TMEM150B: variants seen among roughly 807,000 people sequenced by gnomAD.
TMEM150B encodes the protein modulator of macroautophagy TMEM150B.
Under a neutral mutation model 25.2 loss-of-function variants are expected in TMEM150B, and 33 were observed. The observed-to-expected ratio is 1.31, with a 90% confidence interval of 0.99 to 1.75. TMEM150B has a LOEUF of 1.75. Ranked by LOEUF, TMEM150B falls within the 40% of genes most tolerant of loss-of-function variation. TMEM150B has a pLI of 0.00. For missense variants in TMEM150B, 322 were observed against 306.1 expected, an observed-to-expected ratio of 1.05 and a Z score of -0.39; for synonymous variants, 133 against 134.8, an observed-to-expected ratio of 0.99 and a Z score of 0.09.
At chr19:55,311,934 C>T (rs540907240), downstream of TMEM150B, 50 of 1,611,438 alleles carry the variant, frequency 3.1e-5, no homozygotes, top group Middle Eastern at 1.7e-4. Context: ...GGCCCAGACC[C>T]GGCCTGCTGG....
intron 7 of TMEM150B, among the ~76,000 whole-genome samples, chr19:55,313,444 T>C (rs1285244879): frequency 7.7e-6 from 1 of 129,382 alleles, no homozygotes; most frequent in Non-Finnish European, 1.7e-5. Context: ...GCCGCCAGCC[T>C]CGGACTGTGT....
chr19:55,310,912 G>C (rs1320171545), downstream of TMEM150B, among the ~76,000 whole-genome samples: 1 of 152,084 alleles, frequency 6.6e-6, no homozygotes, highest in Non-Finnish European at 1.5e-5. This position sits in a 1 kb window ranked among gnomAD's most constrained non-coding sequence, Gnocchi z 5.0. Context: ...AATGGGGTGG[G>C]GGGTGCAGGC....
In TMEM150B at chr19:55,320,057, G is replaced by A; in HGVS notation, c.306C>T (p.Ser102=). ...GTCTCACCTGGAAATTGCCTACCAC[G>A]GAGGTGCCCAGGGCACACAGAAGAC... ...WTGLLCALGT[S]VVGNFQEKNQ... The change falls in exon 6 of 8, where the codon TCC becomes TCT. Residue 102 remains serine, a synonymous_variant. Transcript: ENST00000326652. 2 of 1,614,140 alleles carry A rather than the reference G, an allele frequency of 1.2e-6. No individual in the cohort carries two copies. Among genetic ancestry groups the A allele is most frequent in the Non-Finnish European group, 1.7e-6 (2 of 1,180,020 alleles).
intron 6 of TMEM150B, among the ~76,000 whole-genome samples, chr19:55,318,142 C>T (rs895520969): frequency 2.0e-5 from 3 of 152,062 alleles, no homozygotes; most frequent in African/African-American, 7.2e-5. Context: ...AGGCAGATCA[C>T]TTGAGGTCAG....
intron 1 of TMEM150B, chr19:55,324,664 AAAAT>A: frequency 1.1e-6 from 1 of 925,944 alleles, no homozygotes; most frequent in Non-Finnish European, 1.3e-6. Context: ...TAAATAAAAT[AAAAT>A]AAATAAATAA....
chr19:55,310,797 G>A (rs34356802), downstream of TMEM150B, among the ~76,000 whole-genome samples: 17,446 of 152,096 alleles, frequency 0.11, 1,141 homozygotes, highest in Middle Eastern at 0.18. This position sits in a 1 kb window ranked among gnomAD's most constrained non-coding sequence, Gnocchi z 5.0. Flanking sequence ...CCCCGTTGCC[G>A]AGGAAAGCTG....
intron 1 of TMEM150B, among the ~76,000 whole-genome samples, chr19:55,323,408 G>T (rs929290257): frequency 6.6e-6 from 1 of 151,624 alleles, no homozygotes; most frequent in African/African-American, 2.4e-5. Context: ...CTCCAGCCTG[G>T]GTGACAAGAG....
At chr19:55,318,029 A>C (rs116430414) in intron 6 of TMEM150B, among the ~76,000 whole-genome samples, 371 of 152,254 alleles carry the variant, frequency 2.4e-3, no homozygotes, top group African/African-American at 8.2e-3. Context: ...ACCAGGGGGA[A>C]ATGTCTAAAA....
chr19:55,311,841 C>T (rs1672178769), downstream of TMEM150B: 5 of 1,524,982 alleles, frequency 3.3e-6, no homozygotes, highest in Non-Finnish European at 4.5e-6. Flanking sequence ...GACTCTGCCC[C>T]CATCCCCTGG....
At chr19:55,322,253 G>A (rs2089226101) in intron 2 of TMEM150B, among the ~76,000 whole-genome samples, 1 of 152,032 alleles carries the variant, frequency 6.6e-6, no homozygotes, top group South Asian at 2.1e-4. Context: ...TGACACTCAC[G>A]AGGTCCAGAC....
chr19:55,321,444 G>A (rs1821950111), intron 2 of TMEM150B, among the ~76,000 whole-genome samples: 2 of 151,984 alleles, frequency 1.3e-5, no homozygotes, highest in Non-Finnish European at 2.9e-5. Context: ...GCTGGCATTC[G>A]GGATGGGGCT....
chr19:55,314,780 C>G (rs949265859), intron 7 of TMEM150B, among the ~76,000 whole-genome samples: 1 of 152,188 alleles, frequency 6.6e-6, no homozygotes, highest in Non-Finnish European at 1.5e-5. Flanking sequence ...GGCCAGCCCT[C>G]TCAACTATTT....
In TMEM150B at chr19:55,321,102, C is replaced by T; in HGVS notation, c.-57-9G>A. 1 of 1,558,060 alleles carries T rather than the reference C, an allele frequency of 6.4e-7. No homozygotes were observed. ...ACCTGTCTCTCTCACACCTGAAGAA[C>T]CAGCCCTCAAGGAGGGCCCAGGTGC... is the stretch of plus-strand genomic sequence containing the variant. On this transcript the variant is annotated splice_polypyrimidine_tract_variant and intron_variant, in intron 2 of 7. Coordinates refer to ENST00000326652, the MANE Select transcript of TMEM150B (RefSeq NM_001282011.2).
chr19:55,319,012 G>T (rs966203312), intron 6 of TMEM150B, among the ~76,000 whole-genome samples: 16 of 152,148 alleles, frequency 1.1e-4, no homozygotes, highest in Non-Finnish European at 2.2e-4. Context: ...TTGCTATGTT[G>T]TCCAGGCTGG....
intron 2 of TMEM150B, among the ~76,000 whole-genome samples, chr19:55,321,882 A>C (rs1005181665): frequency 2.0e-5 from 3 of 152,126 alleles, no homozygotes; most frequent in Admixed American, 1.3e-4. Context: ...GATATGGAGC[A>C]CTGACAACCC....
downstream of TMEM150B, among the ~76,000 whole-genome samples, chr19:55,309,965 C>G (rs2088746155): frequency 6.6e-6 from 1 of 152,204 alleles, no homozygotes; most frequent in South Asian, 2.1e-4. Flanking sequence ...CCTTCCTGGA[C>G]CCCTGGACCC....
At chr19:55,311,944 G>T, downstream of TMEM150B, 1 of 1,611,138 alleles carries the variant, frequency 6.2e-7, no homozygotes, top group Non-Finnish European at 8.5e-7. Context: ...CGGCCTGCTG[G>T]TGCCCCACCC....
At chr19:55,322,035 C>T (rs1271734361) in intron 2 of TMEM150B, among the ~76,000 whole-genome samples, 2 of 152,232 alleles carry the variant, frequency 1.3e-5, no homozygotes, top group South Asian at 2.1e-4. Context: ...ACAAAGACTG[C>T]TCCTGCCGCC....
rs191786360 is a variant in TMEM150B, at chr19:55,313,032, G to T, written c.529C>A (p.Leu177Met). The T allele has an allele frequency of 6.2e-7, 1 of 1,612,626 alleles. No homozygotes were observed. The highest frequency in any genetic ancestry group is 2.2e-5 in the East Asian group (1 of 44,844). The stretch of plus-strand genomic sequence containing the variant: ...TCGCAGGCCGCAGAGACGCTACGCA[G>T]CGAGCAGGCGTGGAGGACGATCACT... The part of the protein sequence containing the change: ...VAMIVLHACS[L>M]RSVSAACEWV... Residue 177 changes from leucine to methionine, a missense_variant, in exon 8 of 8, where the codon CTG (leucine) becomes ATG (methionine). Transcript: ENST00000326652.
Sources: allele counts gnomAD v4.1 joint callset (sites outside exome capture counted in the v4.1 genomes callset), GRCh38; gene constraint gnomAD v4.1.1; non-coding constraint Gnocchi (gnomAD v3.1); transcripts MANE v1.5; gene names NCBI Gene and HGNC (gene_info 2026-07-23, HGNC 2026-07-21).